Variants in ZNF99 observed in about 807,000 individuals in gnomAD.
ZNF99 encodes zinc finger protein 99.
A neutral mutation model predicts 12.8 loss-of-function variants in ZNF99; 8 were observed. The observed-to-expected ratio is 0.62, with a 90% CI of 0.37 to 1.13. ZNF99 has a LOEUF of 1.13. ZNF99 is among the 50% of genes most tolerant of loss of function. The pLI is 0.02. For missense variants in ZNF99, 1,007 were observed against 1,006.2 expected (o/e 1.00, Z -0.01); for synonymous variants, 318 against 319.0 (o/e 1.00, Z 0.03).
intron 1 of ZNF99, chr19:22,769,773 A>T (rs1457408449): frequency 9.4e-7 from 1 of 1,060,652 alleles, no homozygotes; most frequent in Non-Finnish European, 1.2e-6. Flanking sequence ...AAAAAAAAAA[A>T]TAAAGAAAAG....
intron 3 of ZNF99, among the ~76,000 whole-genome samples, chr19:22,763,102 C>G (rs12979245): frequency 0.1 from 15,646 of 151,902 alleles, 1,829 homozygotes; most frequent in African/African-American, 0.29. Flanking sequence ...TTTCACCCCA[C>G]TTCTTCAACA....
At position 22,771,845 on chromosome 19, in the gene ZNF99, G is replaced by A. The variant is rs1229961448; in HGVS notation, c.4-2521C>T. Among the ~76,000 whole-genome samples, 6 of 143,710 alleles carry A rather than the reference G, an allele frequency of 4.2e-5. No individual in the cohort carries two copies. In the East Asian group the frequency reaches 1.3e-3, roughly 31 times the overall value. The allele number at this position is 143,710 out of a possible 152,430, so 94.3% of individuals were successfully genotyped here. A position where few individuals can be genotyped will look rare whatever the true frequency, so the allele number is the denominator to read the frequency against. On this transcript the variant is annotated intron_variant, in intron 1 of 3. Coordinates refer to ENST00000596209, the MANE Select transcript of ZNF99 (RefSeq NM_001080409.3). ...CGATTCTCCTGCCTCAGCCTCCTGA[G>A]TAGCTGGGATTACAGGCGTGTGCCA...
intron 1 of ZNF99, among the ~76,000 whole-genome samples, chr19:22,776,438 T>G (rs1191675595): frequency 1.0e-4 from 4 of 38,424 alleles, no homozygotes; most frequent in Non-Finnish European, 1.5e-4. Context: ...TATATATATA[T>G]ATATATATAT....
At chr19:22,764,174 T>C (rs997711975) in intron 3 of ZNF99, among the ~76,000 whole-genome samples, 4 of 152,118 alleles carry the variant, frequency 2.6e-5, no homozygotes, top group African/African-American at 9.7e-5. Flanking sequence ...CCCAAAGTGC[T>C]GGGATTACAG....
At position 22,752,653 on chromosome 19, in the gene ZNF99, T is replaced by C. The variant is rs1054112259; in HGVS notation, c.*4661A>G. On this transcript the variant is annotated 3_prime_UTR_variant, in exon 4 of 4. Transcript: ENST00000596209. ...CTCTTACCTACACCCTTGAGTAAGG[T>C]GGGATAGGTTAAAGCGAGTGGCATA... The C allele has an allele frequency of 6.6e-6, 1 of 152,076 alleles. No homozygotes were observed. The highest frequency in any genetic ancestry group is 1.5e-5 in the Non-Finnish European group (1 of 67,986). 9.4% of individuals were successfully genotyped at this position (152,076 alleles called of 1,614,324 possible).
intron 3 of ZNF99, among the ~76,000 whole-genome samples, chr19:22,762,441 G>T (rs1422587907): frequency 6.6e-6 from 1 of 152,010 alleles, no homozygotes; most frequent in Admixed American, 6.6e-5. Flanking sequence ...AAATCAGGAA[G>T]AATTAGATAC....
Position 22,757,500 on chromosome 19 carries a change from G to C in ZNF99, c.2409C>G (p.Thr803=). ...TATGAATTATCTCATGTTTTCTAAGGGTTGAGGAATTGTTAAAAGCTTTGC... is the reference window on the plus strand; with the variant it reads ...TATGAATTATCTCATGTTTTCTAAGCGTTGAGGAATTGTTAAAAGCTTTGC... ...ECGKAFNNSS[T]LRKHEIIHTG... The change falls in exon 4 of 4, where the codon ACC becomes ACG. Residue 803 remains threonine (T), a synonymous_variant. Transcript: ENST00000596209. The C allele has an allele frequency of 6.2e-7, 1 of 1,608,612 alleles. No individual in the cohort carries two copies. The highest frequency in any genetic ancestry group is 1.4e-5 in the African/African-American group (1 of 73,822).
intron 1 of ZNF99, chr19:22,769,768 A>T (rs1384090269): frequency 2.8e-6 from 3 of 1,059,554 alleles, no homozygotes; most frequent in East Asian, 6.9e-5. Flanking sequence ...CTCAAAAAAA[A>T]AAAAATAAAG....
intron 1 of ZNF99, among the ~76,000 whole-genome samples, chr19:22,777,508 C>A (rs561646650): frequency 6.6e-6 from 1 of 152,258 alleles, no homozygotes; most frequent in South Asian, 2.1e-4. Context: ...CAAACCTACA[C>A]ATGTACTCCT....
At position 22,756,462 on chromosome 19, in the gene ZNF99, C is replaced by A; in HGVS notation, c.*852G>T. The A allele has an allele frequency of 6.3e-7, 1 of 1,593,442 alleles. No homozygotes were observed. The highest frequency in any genetic ancestry group is 1.5e-5 in the African/African-American group (1 of 66,006). On this transcript the variant is annotated 3_prime_UTR_variant, in exon 4 of 4. Coordinates refer to ENST00000596209, the MANE Select transcript of ZNF99 (RefSeq NM_001080409.3). ...CACACTCTTCACATTTGTAGGGTTT[C>A]TTTCCAGTATGAATTATCCTATGTT... is the stretch of plus-strand genomic sequence containing the variant.
intron 3 of ZNF99, among the ~76,000 whole-genome samples, 193 bp downstream of exon 3, chr19:22,768,112 T>C (rs1046330082): frequency 1.3e-5 from 2 of 152,080 alleles, no homozygotes; most frequent in Admixed American, 6.6e-5. Flanking sequence ...AAAACGAAAA[T>C]AGAATCCTTA....
At chr19:22,779,733 C>A (rs34856960) in intron 1 of ZNF99, among the ~76,000 whole-genome samples, 15,649 of 151,940 alleles carry the variant, frequency 0.1, 1,836 homozygotes, top group African/African-American at 0.29. Flanking sequence ...GATCTAAAAT[C>A]TCTTTCTTTC....
intron 1 of ZNF99, chr19:22,770,406 G>A (rs1973254330): frequency 6.5e-6 from 1 of 153,020 alleles, no homozygotes; most frequent in African/African-American, 2.4e-5. Context: ...ACCAAGGCTG[G>A]AGTGCAGTGG....
intron 1 of ZNF99, among the ~76,000 whole-genome samples, chr19:22,783,179 C>T (rs940889037): frequency 1.3e-5 from 2 of 152,022 alleles, no homozygotes; most frequent in Admixed American, 6.5e-5. Flanking sequence ...ACTCGGGAGG[C>T]TGAGGCAGGA....
Position 22,759,215 on chromosome 19 carries a change from T to C in ZNF99, c.694A>G (p.Lys232Glu). Residue 232 changes from lysine (K) to glutamate (E), a missense_variant, in exon 4 of 4, where the codon AAG becomes GAG. Transcript: ENST00000596209. ...IHTEDKPYKY[K>E]KCGKAFNISS... ...ATGTTAAAAGCTTTGCCACATTTCT[T>C]ATATTTGTAGGGTTTGTCTTCAGTA... is the stretch of plus-strand genomic sequence containing the variant. 6.4e-7 allele frequency: 1 copy of C among 1,567,540 alleles called. No individual in the cohort carries two copies. The highest frequency in any genetic ancestry group is 8.6e-7 in the Non-Finnish European group (1 of 1,156,662).
chr19:22,769,383 A>C, intron 1 of ZNF99, 59 bp from the exon 2 acceptor site: 1 of 1,547,538 alleles, frequency 6.5e-7, no homozygotes, highest in Admixed American at 2.0e-5. Flanking sequence ...CAGAATTTTT[A>C]ATTTGACTCA....
intron 2 of ZNF99, 85 bp from the exon 3 acceptor site, chr19:22,768,485 T>C: frequency 8.7e-7 from 1 of 1,143,688 alleles, no homozygotes; most frequent in Non-Finnish European, 1.2e-6. Context: ...TAGAATATTC[T>C]AGTAAATTGA....
In ZNF99 at chr19:22,756,859, A is replaced by T. The variant is rs1973067895; in HGVS notation, c.*455T>A. The T allele has an allele frequency of 6.2e-7, 1 of 1,611,726 alleles. No individual in the cohort carries two copies. The highest frequency in any genetic ancestry group is 8.5e-7 in the Non-Finnish European group (1 of 1,179,056). ...GAGAAATGCTTAAAAGCTTTGCCAC[A>T]TTCTTCACATTTGTAGGGTTTCTCT... is the stretch of plus-strand genomic sequence containing the variant. On this transcript the variant is annotated 3_prime_UTR_variant, in exon 4 of 4. Transcript: ENST00000596209.
rs1474310759 is a variant in ZNF99, at chr19:22,769,269, C to A, written c.59G>T (p.Cys20Phe). Residue 20 changes from cysteine (C) to phenylalanine (F), a missense_variant, in exon 2 of 4, where the codon TGC (cysteine) becomes TTC (phenylalanine). By Grantham distance (205) the Cys-to-Phe change is radical. Coordinates refer to ENST00000596209, the MANE Select transcript of ZNF99 (RefSeq NM_001080409.3). ...TIEFALEEWQ[C>F]LDMAQQNLYR... ...TAAATTCTGCTGAGCCATGTCCAGG[C>A]ATTGCCACTCCTCCAGAGCGAATTC... 1 of 1,610,430 alleles carries A rather than the reference C, an allele frequency of 6.2e-7. No homozygotes were observed. Among genetic ancestry groups the A allele is most frequent in the African/African-American group, 1.3e-5 (1 of 74,902 alleles).
Sources: allele counts gnomAD v4.1 joint callset (sites outside exome capture counted in the v4.1 genomes callset), GRCh38; gene constraint gnomAD v4.1.1; transcripts MANE v1.5; gene names NCBI Gene and HGNC (gene_info 2026-07-23, HGNC 2026-07-21).